Variants in TLN2 observed in about 807,000 individuals in gnomAD.
TLN2 encodes talin-2.
Under a neutral mutation model 294.7 loss-of-function variants are expected in TLN2, and 118 were observed. The ratio of observed to expected loss-of-function variants is 0.40; its 90% CI spans 0.34 to 0.47. The LOEUF (loss-of-function observed/expected upper bound fraction) is 0.47. TLN2 is among the 20% of genes least tolerant of loss of function. The pLI, the probability that TLN2 is intolerant of heterozygous loss-of-function variation, is 0.84. For synonymous variants in TLN2, 1,431 were observed against 1,304.5 expected (o/e 1.10, Z -2.09); for missense variants, 3,083 against 3,282.2 (o/e 0.94, Z 1.48).
At chr15:62,737,671 C>A (rs2061099873) in intron 29 of TLN2, among the ~76,000 whole-genome samples, 1 of 152,152 alleles carries the variant, frequency 6.6e-6, no homozygotes, top group Non-Finnish European at 1.5e-5. Context: ...CATTTCTAGG[C>A]AACGTGAGGG....
At chr15:62,530,438 A>G (rs1036144791) in intron 1 of TLN2, among the ~76,000 whole-genome samples, 1 of 151,768 alleles carries the variant, frequency 6.6e-6, no homozygotes. Context: ...GCTCACCACA[A>G]CCTCCGCCTT....
chr15:62,528,897 C>T (rs886236546), intron 1 of TLN2, among the ~76,000 whole-genome samples: 9 of 152,144 alleles, frequency 5.9e-5, no homozygotes, highest in African/African-American at 2.2e-4. Context: ...TTAGGCGTTT[C>T]ATCTGTCCCA....
intron 3 of TLN2, among the ~76,000 whole-genome samples, chr15:62,622,438 C>T (rs2048915271): frequency 6.6e-6 from 1 of 152,140 alleles, no homozygotes; most frequent in Admixed American, 6.5e-5. Flanking sequence ...AATATCCATT[C>T]AGTCCATTCT....
rs554416349 is a variant in TLN2, at chr15:62,595,350, G to A, written c.-162+5588G>A. ...CAGGAGAATCGCTTGAACCTGGGAG[G>A]TAGAGGTTGCAGTGAGCTGAGATCG... On this transcript the variant is annotated intron_variant, in intron 2 of 58. Transcript: ENST00000636159. Among the ~76,000 whole-genome samples the A allele has an allele frequency of 8.8e-5, 13 of 148,550 alleles. No homozygotes were observed. The South Asian group carries it at 2.6e-3, about 30-fold the overall frequency.
intron 1 of TLN2, among the ~76,000 whole-genome samples, chr15:62,402,476 C>T (rs1017865848): frequency 2.0e-5 from 3 of 152,188 alleles, no homozygotes. Flanking sequence ...CCTTACCCAG[C>T]TCAGATTCTT....
chr15:62,820,666 G>A, intron 54 of TLN2, 56 bp downstream of exon 54: 1 of 1,583,266 alleles, frequency 6.3e-7, no homozygotes, highest in Non-Finnish European at 8.6e-7. Flanking sequence ...CCAGTGGGTG[G>A]CTGTGAAATG....
chr15:62,427,871 A>C (rs192947284), intron 1 of TLN2, among the ~76,000 whole-genome samples: 95 of 152,240 alleles, frequency 6.2e-4, no homozygotes, highest in Admixed American at 5.0e-3. Context: ...TTCTTACCTG[A>C]AAACTGTGAG....
chr15:62,641,750 A>G (rs911314211), intron 3 of TLN2, among the ~76,000 whole-genome samples: 3 of 152,146 alleles, frequency 2.0e-5, no homozygotes, highest in Non-Finnish European at 2.9e-5. Context: ...TTTGTAGAGG[A>G]GGAGACTGAG....
At chr15:62,432,159 A>G (rs2035044911) in intron 1 of TLN2, among the ~76,000 whole-genome samples, 1 of 152,064 alleles carries the variant, frequency 6.6e-6, no homozygotes, top group Non-Finnish European at 1.5e-5. Context: ...GTGTATCTTT[A>G]TTAGATTTTT....
chr15:62,579,851 G>A (rs565185821), intron 1 of TLN2, among the ~76,000 whole-genome samples: 44 of 152,324 alleles, frequency 2.9e-4, no homozygotes, highest in Admixed American at 8.5e-4. Context: ...AATAGTCCTC[G>A]AGCTAATGGT....
chr15:62,452,729 C>T (rs923802077), intron 1 of TLN2, among the ~76,000 whole-genome samples: 1 of 152,214 alleles, frequency 6.6e-6, no homozygotes. Context: ...TGTGTCGATA[C>T]TTTAAGTCCA....
chr15:62,598,490 AT>A (rs1316945643), intron 2 of TLN2, among the ~76,000 whole-genome samples: 1 of 152,126 alleles, frequency 6.6e-6, no homozygotes, highest in Non-Finnish European at 1.5e-5. Context: ...ACAGGGGAAC[AT>A]CCTTCTCTGC....
At chr15:62,670,984 G>T (rs994997341) in intron 9 of TLN2, among the ~76,000 whole-genome samples, 3 of 152,156 alleles carry the variant, frequency 2.0e-5, no homozygotes, top group Non-Finnish European at 4.4e-5. Flanking sequence ...ATCCTCGCGG[G>T]TATGTATTGG....
At chr15:62,799,173 C>T (rs1328046563) in intron 48 of TLN2, among the ~76,000 whole-genome samples, 3 of 152,190 alleles carry the variant, frequency 2.0e-5, no homozygotes, top group Non-Finnish European at 4.4e-5. Flanking sequence ...GGCCCTCATG[C>T]TCACCAGACT....
At chr15:62,773,056 C>T (rs1053783756) in intron 42 of TLN2, among the ~76,000 whole-genome samples, 3 of 152,040 alleles carry the variant, frequency 2.0e-5, no homozygotes, top group African/African-American at 7.2e-5. Flanking sequence ...ACCTCACAAC[C>T]TCAACTTCTG....
At chr15:62,460,604 C>T (rs1205877245) in intron 1 of TLN2, among the ~76,000 whole-genome samples, 1 of 152,164 alleles carries the variant, frequency 6.6e-6, no homozygotes, top group Non-Finnish European at 1.5e-5. Flanking sequence ...TGTTGTGTGC[C>T]ACTCATCCAA....
chr15:62,683,311 G>A (rs2056995368), intron 11 of TLN2, among the ~76,000 whole-genome samples: 1 of 152,242 alleles, frequency 6.6e-6, no homozygotes, highest in Non-Finnish European at 1.5e-5. Flanking sequence ...CCTGCAGACA[G>A]CAGTCTTGAT....
At chr15:62,581,341 T>G (rs2045005105) in intron 1 of TLN2, among the ~76,000 whole-genome samples, 1 of 152,214 alleles carries the variant, frequency 6.6e-6, no homozygotes, top group Non-Finnish European at 1.5e-5. Context: ...CTTTTCTTTT[T>G]AGCACTGAAT....
chr15:62,456,724 GT>G (rs2036503877), intron 1 of TLN2, among the ~76,000 whole-genome samples: 1 of 151,850 alleles, frequency 6.6e-6, no homozygotes, highest in Non-Finnish European at 1.5e-5. Flanking sequence ...TAGTTAGTAT[GT>G]TTTCAGAGGC....
Sources: gnomAD v4.1 joint callset for allele counts (sites outside exome capture counted in the v4.1 genomes callset) on GRCh38, gnomAD v4.1.1 for gene constraint, MANE v1.5 for transcripts, NCBI Gene and HGNC (gene_info 2026-07-23, HGNC 2026-07-21) for gene names.